NECTIN1: variants seen among roughly 807,000 people sequenced by gnomAD.
NECTIN1 encodes nectin-1.
In NECTIN1, 23 loss-of-function variants were observed where a neutral mutation model predicts 48.0. The ratio of observed to expected loss-of-function variants is 0.48; its 90% CI spans 0.34 to 0.68. The LOEUF is 0.68. Among genes scored for constraint, NECTIN1 ranks in the 30% least tolerant of loss-of-function variants. NECTIN1 has a pLI of 0.01. For synonymous variants in NECTIN1, 270 were observed against 288.9 expected (o/e 0.93, Z 0.66); for missense variants, 591 against 709.9 (o/e 0.83, Z 1.90).
chr11:119,710,930 T>A (rs909034919), intron 1 of NECTIN1, among the ~76,000 whole-genome samples: 4 of 151,768 alleles, frequency 2.6e-5, no homozygotes, highest in Non-Finnish European at 4.4e-5. Context: ...CTGGTGCTGA[T>A]AAATATTGAG....
rs760404146 is a variant in NECTIN1 at position 119,700,625 on chromosome 11, T to C, written c.80-21860A>G. Among the ~76,000 whole-genome samples, 46 of 152,182 alleles carry C rather than the reference T, an allele frequency of 3.0e-4. 1 individual carries two copies. Among genetic ancestry groups the C allele is most frequent in the Admixed American group, 7.9e-4 (12 of 15,280 alleles). On this transcript the variant is annotated intron_variant, in intron 1 of 5. Transcript: ENST00000264025. ...TGGGTGGGGAGTGTTCACTTCCACATTCCCAGGGTCCTGTAGCTCAGCGGA... is the reference window on the plus strand; with the variant it reads ...TGGGTGGGGAGTGTTCACTTCCACACTCCCAGGGTCCTGTAGCTCAGCGGA...
Position 119,662,505 on chromosome 11 carries a change from G to A in NECTIN1, c.*2242C>T, listed in dbSNP as rs1437215065. 1 of 985,756 alleles carries A rather than the reference G, an allele frequency of 1.0e-6. No individual in the cohort carries two copies. Among genetic ancestry groups the A allele is most frequent in the Non-Finnish European group, 1.2e-6 (1 of 830,040 alleles). 61.1% of individuals were successfully genotyped at this position (985,756 alleles called of 1,614,324 possible). On this transcript the variant is annotated 3_prime_UTR_variant, in exon 6 of 6. Coordinates refer to ENST00000264025, the MANE Select transcript of NECTIN1 (RefSeq NM_002855.5). The surrounding 1 kb of genome is among the most constrained non-coding windows in gnomAD (Gnocchi z 5.3). ...GTCTTAAGGGGGAACTCAGTGCTTT[G>A]GCTGGGCTTGGGGCCTTCAAAGTCC...
chr11:119,653,331 G>A (rs1287497971), intron 5 of NECTIN1, among the ~76,000 whole-genome samples: 1 of 152,182 alleles, frequency 6.6e-6, no homozygotes, highest in Non-Finnish European at 1.5e-5. Flanking sequence ...GTGGCTCCCG[G>A]GGCATTTCTG....
At position 119,664,675 on chromosome 11, in the gene NECTIN1, G is replaced by T. The variant is rs59612995; in HGVS notation, c.*72C>A. On this transcript the variant is annotated 3_prime_UTR_variant, in exon 6 of 6. Transcript: ENST00000264025. ...CTGTTCAGCTCCTGGAGTGGGAGGT[G>T]GGGGGTGGGCAGGGGGCGTGCGGGG... 4.7e-6 allele frequency: 7 copies of T among 1,481,054 alleles called. No homozygotes were observed. In the Admixed American group the frequency reaches 8.7e-5, roughly 18 times the overall value. 91.7% of individuals were successfully genotyped at this position (1,481,054 alleles called of 1,614,324 possible).
intron 1 of NECTIN1, among the ~76,000 whole-genome samples, chr11:119,685,860 AG>A (rs1211039591): frequency 6.6e-6 from 1 of 152,162 alleles, no homozygotes; most frequent in Non-Finnish European, 1.5e-5. Context: ...GGCCTTGGAT[AG>A]GGTGGTTTCC....
intron 1 of NECTIN1, among the ~76,000 whole-genome samples, chr11:119,714,882 C>G (rs1172623996): frequency 6.6e-6 from 1 of 152,132 alleles, no homozygotes; most frequent in Non-Finnish European, 1.5e-5. Context: ...CTGGGCGTGG[C>G]AGCCCACATA....
At position 119,683,921 on chromosome 11, in the gene NECTIN1, G is replaced by A. The variant is rs11217394; in HGVS notation, c.80-5156C>T. On this transcript the variant is annotated intron_variant, in intron 1 of 5. Coordinates refer to ENST00000264025, the MANE Select transcript of NECTIN1 (RefSeq NM_002855.5). This position sits in a 1 kb window ranked among gnomAD's most constrained non-coding sequence, Gnocchi z 4.0. ...CCCAGAAGTGCTGAGCCAGCATGAC[G>A]GGCCTCAGGCCGGCCCCCTGAGACG... Among the ~76,000 whole-genome samples, 571 of 151,872 alleles carry A rather than the reference G, an allele frequency of 3.8e-3. 5 individuals carry two copies. The East Asian group carries it at 0.048, about 13-fold the overall frequency.
In NECTIN1 at chr11:119,662,219, G is replaced by A; in HGVS notation, c.*2528C>T. ...GCAAAATGTCCTCATCTCTCTGCTG[G>A]GCTAGACCTCCCTTTTGCCAGCTGG... On this transcript the variant is annotated 3_prime_UTR_variant, in exon 6 of 6. Transcript: ENST00000264025. This position sits in a 1 kb window ranked among gnomAD's most constrained non-coding sequence, Gnocchi z 5.3. 1 of 985,412 alleles carries A rather than the reference G, an allele frequency of 1.0e-6. No individual in the cohort carries two copies. Among genetic ancestry groups the A allele is most frequent in the Non-Finnish European group, 1.2e-6 (1 of 829,932 alleles). 61.0% of individuals were successfully genotyped at this position (985,412 alleles called of 1,614,324 possible).
At chr11:119,671,343 TC>T (rs1358329006) in intron 5 of NECTIN1, among the ~76,000 whole-genome samples, 1 of 152,014 alleles carries the variant, frequency 6.6e-6, no homozygotes, top group African/African-American at 2.4e-5. Context: ...CCTCACATCC[TC>T]TTACAAAGGG....
chr11:119,647,158 CGCATGTGTGTGTGTGTGT>C (rs1440047737), intron 5 of NECTIN1, among the ~76,000 whole-genome samples: 17 of 91,692 alleles, frequency 1.9e-4, no homozygotes, highest in African/African-American at 7.2e-4. Context: ...GAGCTTGCGG[CGCATGTGTGTGTGTGTGT>C]GTGTGTGTGT....
intron 1 of NECTIN1, among the ~76,000 whole-genome samples, chr11:119,688,963 G>A (rs1438311975): frequency 6.6e-6 from 1 of 152,002 alleles, no homozygotes; most frequent in Non-Finnish European, 1.5e-5. Context: ...GGGACATGCG[G>A]TGGGGTGTTG....
intron 5 of NECTIN1, among the ~76,000 whole-genome samples, chr11:119,643,644 G>C (rs1004511755): frequency 1.3e-5 from 2 of 152,240 alleles, no homozygotes; most frequent in Non-Finnish European, 2.9e-5. Context: ...CTTGACAGCT[G>C]TGAGGAAGGG....
intron 1 of NECTIN1, among the ~76,000 whole-genome samples, chr11:119,688,034 G>A (rs1198577911): frequency 6.6e-6 from 1 of 152,306 alleles, no homozygotes; most frequent in African/African-American, 2.4e-5. Flanking sequence ...GCAGCGGGGG[G>A]AGGGGTAGAA....
intron 1 of NECTIN1, among the ~76,000 whole-genome samples, chr11:119,701,735 C>A (rs1417308128): frequency 6.6e-6 from 1 of 152,180 alleles, no homozygotes; most frequent in Non-Finnish European, 1.5e-5. Flanking sequence ...CTCCAGGTCT[C>A]ATTTCCTTCC....
At chr11:119,689,781 G>A (rs1163310488) in intron 1 of NECTIN1, among the ~76,000 whole-genome samples, 2 of 152,188 alleles carry the variant, frequency 1.3e-5, no homozygotes, top group Non-Finnish European at 2.9e-5. Context: ...AATGACCCCT[G>A]AAATAATACT....
chr11:119,710,040 G>A (rs1237770133), intron 1 of NECTIN1: 2 of 152,230 alleles, frequency 1.3e-5, no homozygotes, highest in Non-Finnish European at 2.9e-5. Context: ...GGTGGGTAGA[G>A]AAAGCTGCCT....
chr11:119,717,764 A>G (rs548000233), intron 1 of NECTIN1, among the ~76,000 whole-genome samples: 1 of 152,280 alleles, frequency 6.6e-6, no homozygotes, highest in South Asian at 2.1e-4. Flanking sequence ...CCCGGCAGGC[A>G]CCTGCAGGCC....
At chr11:119,718,192 A>G (rs1865776024) in intron 1 of NECTIN1, among the ~76,000 whole-genome samples, 1 of 152,164 alleles carries the variant, frequency 6.6e-6, no homozygotes, top group South Asian at 2.1e-4. Flanking sequence ...CAATCTGCAC[A>G]GGGACTGTCT....
Position 119,728,555 on chromosome 11 carries a change from G to C in NECTIN1, c.-2C>G. On this transcript the variant is annotated 5_prime_UTR_variant, in exon 1 of 6. Transcript: ENST00000264025. ...GCCCGCAAGCCCCATCCGAGCCATC[G>C]GGGGCCGGGGGTCCGGCGAGAGGGG... The C allele has an allele frequency of 6.4e-7, 1 of 1,571,672 alleles. No individual in the cohort carries two copies. The highest frequency in any genetic ancestry group is 8.6e-7 in the Non-Finnish European group (1 of 1,157,638).
Sources: gnomAD v4.1 joint callset for allele counts (sites outside exome capture counted in the v4.1 genomes callset) on GRCh38, gnomAD v4.1.1 for gene constraint, Gnocchi (gnomAD v3.1) non-coding constraint, MANE v1.5 for transcripts, NCBI Gene and HGNC (gene_info 2026-07-23, HGNC 2026-07-21) for gene names.